Variants in RPS6KA2 observed in about 807,000 individuals in gnomAD.
The protein encoded by RPS6KA2 is ribosomal protein S6 kinase A2.
Under a neutral mutation model 91.8 loss-of-function variants are expected in RPS6KA2, and 42 were observed. The observed-to-expected ratio is 0.46, with a 90% CI of 0.36 to 0.59. The LOEUF (loss-of-function observed/expected upper bound fraction) is 0.59, where lower values mean the gene tolerates loss of function less well. RPS6KA2 is among the 20% of genes least tolerant of loss of function. The pLI, the probability that RPS6KA2 is intolerant of heterozygous loss-of-function variation, is 0.00. For synonymous variants in RPS6KA2, 414 were observed against 393.6 expected (o/e 1.05, Z -0.61); for missense variants, 798 against 978.5 (o/e 0.82, Z 2.46).
At chr6:166,769,863 C>T (rs1369413801) in intron 2 of RPS6KA2, among the ~76,000 whole-genome samples, 3 of 152,180 alleles carry the variant, frequency 2.0e-5, no homozygotes, top group African/African-American at 2.4e-5. Context: ...TGGGCAGCTC[C>T]GAGGGCCACC....
intron 11 of RPS6KA2, among the ~76,000 whole-genome samples, chr6:166,469,511 G>A (rs568105981): frequency 2.6e-5 from 4 of 152,182 alleles, no homozygotes; most frequent in Non-Finnish European, 5.9e-5. Flanking sequence ...TGGAGCAATC[G>A]GGAATATGCA....
In RPS6KA2 at chr6:166,648,296, C is replaced by T. The variant is rs1395509149; in HGVS notation, c.124-109512G>A. ...CACACGCATGCACACAGTATGCACA[C>T]ACACGCATGTATACACATGCACACA... On this transcript the variant is annotated intron_variant, in intron 2 of 21. Transcript: ENST00000503859. The surrounding 1 kb of genome is among the most constrained non-coding windows in gnomAD (Gnocchi z 4.8). 6.6e-6 allele frequency among the ~76,000 whole-genome samples: 1 copy of T among 152,076 alleles called. No homozygotes were observed. Among genetic ancestry groups the T allele is most frequent in the African/African-American group, 2.4e-5 (1 of 41,410 alleles).
chr6:166,614,543 A>G (rs913026246), intron 1 of RPS6KA2, among the ~76,000 whole-genome samples: 1 of 152,228 alleles, frequency 6.6e-6, no homozygotes, highest in Non-Finnish European at 1.5e-5. Context: ...ACAACATGCT[A>G]TCTTCCTCAA....
chr6:166,636,317 C>G (rs977988287), intron 2 of RPS6KA2, among the ~76,000 whole-genome samples: 1 of 152,016 alleles, frequency 6.6e-6, no homozygotes, highest in African/African-American at 2.4e-5. Context: ...TAGCCTATCT[C>G]GGACAGGCTT....
At chr6:166,670,199 A>G (rs1316102836) in intron 2 of RPS6KA2, among the ~76,000 whole-genome samples, 1 of 152,234 alleles carries the variant, frequency 6.6e-6, no homozygotes, top group Non-Finnish European at 1.5e-5. Flanking sequence ...GGAGTGGAAA[A>G]TCACACTCAT....
At chr6:166,768,261 T>G (rs1468206861) in intron 2 of RPS6KA2, among the ~76,000 whole-genome samples, 2 of 152,240 alleles carry the variant, frequency 1.3e-5, no homozygotes, top group Non-Finnish European at 2.9e-5. Flanking sequence ...CCCTTGGAAC[T>G]GGAACCTCCT....
intron 1 of RPS6KA2, among the ~76,000 whole-genome samples, chr6:166,580,556 G>A (rs1398375654): frequency 6.6e-6 from 1 of 152,232 alleles, no homozygotes; most frequent in South Asian, 2.1e-4. Context: ...GACATTCAAA[G>A]CCCCTGGGCC....
intron 2 of RPS6KA2, among the ~76,000 whole-genome samples, chr6:166,824,787 G>GTGTGTGTGTCTGTGTGTGTGTC (rs1780001575): frequency 5.2e-5 from 7 of 135,248 alleles, no homozygotes; most frequent in Middle Eastern, 7.4e-3. Context: ...GTGTGTGTCT[G>GTGTGTGTGTCTGTGTGTGTGTC]TGTGTGTGTC....
In RPS6KA2 at chr6:166,557,342, G is replaced by T. The variant is rs1583277104; in HGVS notation, c.100-18558C>A. 6.6e-6 allele frequency among the ~76,000 whole-genome samples: 1 copy of T among 152,214 alleles called. No homozygotes were observed. ...CCAAAACCTAAATCGACATAAACAC[G>T]GTCCTGGCCACCACGTCCCCCACAG... On this transcript the variant is annotated intron_variant, in intron 1 of 20. Transcript: ENST00000265678. This position sits in a 1 kb window ranked among gnomAD's most constrained non-coding sequence, Gnocchi z 4.8.
chr6:166,725,754 C>T (rs967146041), intron 2 of RPS6KA2, among the ~76,000 whole-genome samples: 3 of 152,226 alleles, frequency 2.0e-5, no homozygotes, highest in South Asian at 2.1e-4. Context: ...ACAGCTTCCT[C>T]GGGCCAGCGT....
rs1781989932 is a variant in RPS6KA2 at position 166,500,538 on chromosome 6, A to G, written c.604+349T>C. ...TTGGCACTGGGCATCTGCAAGGCCC[A>G]CATTGCAGGCTACACTCCAGCAAGA... On this transcript the variant is annotated intron_variant, in intron 7 of 20. Coordinates refer to ENST00000265678, the MANE Select transcript of RPS6KA2 (RefSeq NM_021135.6). The surrounding 1 kb of genome is among the most constrained non-coding windows in gnomAD (Gnocchi z 4.3). Among the ~76,000 whole-genome samples, 3 of 152,166 alleles carry G rather than the reference A, an allele frequency of 2.0e-5. No individual in the cohort carries two copies. Among genetic ancestry groups the G allele is most frequent in the South Asian group, 2.1e-4 (1 of 4,820 alleles).
Position 166,430,502 on chromosome 6 carries a change from T to A in RPS6KA2, c.1532A>T (p.Asp511Val). Residue 511 changes from aspartate to valine, a missense_variant, in exon 16 of 21, where the codon GAC (aspartate) becomes GTC (valine). Coordinates refer to ENST00000265678, the MANE Select transcript of RPS6KA2 (RefSeq NM_021135.6). ...GGTCTTGGTGATGGTGCACAGGACG[T>A]CACTGGCTTCGCGCTCCGAGAAGTA... Reference protein sequence around the residue: ...QRYFSEREASDVLCTITKTMD... With the variant: ...QRYFSEREASVVLCTITKTMD... 3 of 1,614,120 alleles carry A rather than the reference T, an allele frequency of 1.9e-6. No individual in the cohort carries two copies. Among genetic ancestry groups the A allele is most frequent in the Non-Finnish European group, 2.5e-6 (3 of 1,180,002 alleles).
In RPS6KA2 at chr6:166,635,453, T is replaced by A. The variant is rs1199555085; in HGVS notation, c.124-96669A>T. Among the ~76,000 whole-genome samples, 2 of 152,226 alleles carry A rather than the reference T, an allele frequency of 1.3e-5. No individual in the cohort carries two copies. Among genetic ancestry groups the A allele is most frequent in the Admixed American group, 1.3e-4 (2 of 15,292 alleles). On this transcript the variant is annotated intron_variant, in intron 2 of 21. Transcript: ENST00000503859. This position sits in a 1 kb window ranked among gnomAD's most constrained non-coding sequence, Gnocchi z 4.8. ...AGGAGCCCTTAGTCTCGCAGATGAC[T>A]GCTACATTCACAGGCTATGATGAGC...
At chr6:166,775,030 A>C (rs1778577017) in intron 2 of RPS6KA2, among the ~76,000 whole-genome samples, 1 of 152,088 alleles carries the variant, frequency 6.6e-6, no homozygotes, top group African/African-American at 2.4e-5. Context: ...CCCAGCCTGC[A>C]CCTGCGCTCA....
chr6:166,859,812 T>C (rs1239659415), intron 1 of RPS6KA2, among the ~76,000 whole-genome samples: 1 of 152,226 alleles, frequency 6.6e-6, no homozygotes, highest in East Asian at 1.9e-4. Context: ...ATGCTGATTC[T>C]AGTCCCTGGA....
chr6:166,826,057 A>T (rs1780042114), intron 2 of RPS6KA2, among the ~76,000 whole-genome samples: 1 of 152,188 alleles, frequency 6.6e-6, no homozygotes, highest in African/African-American at 2.4e-5. Context: ...GCATAAATAG[A>T]TGTTCTCTTT....
At chr6:166,779,895 A>G (rs1034383858) in intron 2 of RPS6KA2, among the ~76,000 whole-genome samples, 26 of 152,296 alleles carry the variant, frequency 1.7e-4, no homozygotes, top group African/African-American at 2.4e-4. Context: ...GAGACAACCA[A>G]TGCTCTCAGT....
intron 2 of RPS6KA2, among the ~76,000 whole-genome samples, chr6:166,715,925 C>G (rs1358564606): frequency 6.6e-6 from 1 of 151,346 alleles, no homozygotes; most frequent in Non-Finnish European, 1.5e-5. Flanking sequence ...GTAATCCCAG[C>G]TACTTGGGAG....
At chr6:166,827,704 T>C (rs1340638806) in intron 2 of RPS6KA2, among the ~76,000 whole-genome samples, 1 of 152,202 alleles carries the variant, frequency 6.6e-6, no homozygotes, top group Non-Finnish European at 1.5e-5. Context: ...TGTGAAGAGA[T>C]GGGAAGTGAA....
Sources: allele counts gnomAD v4.1 joint callset (sites outside exome capture counted in the v4.1 genomes callset), GRCh38; gene constraint gnomAD v4.1.1; non-coding constraint Gnocchi (gnomAD v3.1); transcripts MANE v1.5; gene names NCBI Gene and HGNC (gene_info 2026-07-23, HGNC 2026-07-21).